FHIT: variants seen among roughly 807,000 people sequenced by gnomAD.
FHIT encodes the protein fragile histidine triad diadenosine triphosphatase.
In FHIT, 19 loss-of-function variants were observed where a neutral mutation model predicts 17.9. The ratio of observed to expected loss-of-function variants is 1.06; its 90% CI spans 0.74 to 1.56. The LOEUF is 1.56. Ranked by LOEUF, FHIT falls within the 40% of genes most tolerant of loss-of-function variation. The pLI, the probability that FHIT is intolerant of heterozygous loss-of-function variation, is 0.00. For synonymous variants in FHIT, 81 were observed against 69.7 expected (o/e 1.16, Z -0.81); for missense variants, 248 against 189.2 (o/e 1.31, Z -1.82).
In FHIT at chr3:60,445,481, G is replaced by A. The variant is rs553283473; in HGVS notation, c.103+91379C>T. The stretch of plus-strand genomic sequence containing the variant: ...ACTTTTATAAAAAGAAGAAGAAGAA[G>A]AAAAAAAAAAGAAACAAAGTAATGG... On this transcript the variant is annotated intron_variant, in intron 5 of 9. Transcript: ENST00000492590. 5.0e-4 allele frequency among the ~76,000 whole-genome samples: 73 copies of A among 147,404 alleles called. No individual in the cohort carries two copies. The South Asian group carries it at 0.013, about 27-fold the overall frequency.
intron 7 of FHIT, among the ~76,000 whole-genome samples, chr3:59,976,124 T>A (rs1024562586): frequency 6.6e-6 from 1 of 152,020 alleles, no homozygotes; most frequent in African/African-American, 2.4e-5. Context: ...AGGGTTGCCA[T>A]GAAGATAAAA....
At position 60,852,652 on chromosome 3, in the gene FHIT, A is replaced by C. The variant is rs554722734; in HGVS notation, c.-110-30641T>G. Among the ~76,000 whole-genome samples, 3 of 152,198 alleles carry C rather than the reference A, an allele frequency of 2.0e-5. No individual in the cohort carries two copies. The East Asian group carries it at 5.8e-4, about 29-fold the overall frequency. On this transcript the variant is annotated intron_variant, in intron 3 of 9. Coordinates refer to ENST00000492590, the MANE Select transcript of FHIT (RefSeq NM_002012.4). Reference sequence around the variant, plus strand: ...AACTTTGTATATTATATTAAAATTTAATGTATCAAGAAAGGATATAGTGAG... The same window carrying C: ...AACTTTGTATATTATATTAAAATTTCATGTATCAAGAAAGGATATAGTGAG...
intron 7 of FHIT, among the ~76,000 whole-genome samples, chr3:59,986,540 T>TATATAC (rs1473518719): frequency 8.0e-5 from 1 of 12,442 alleles, no homozygotes; most frequent in African/African-American, 3.5e-4. Context: ...TATATATATA[T>TATATAC]ACACACACAC....
At position 60,050,449 on chromosome 3, in the gene FHIT, C is replaced by G. The variant is rs115371197; in HGVS notation, c.104-36297G>C. ...TGAAGCCCTATAGCACTTAGAGCAG[C>G]AGATGGTTGCCAACATCCTAGGCTT... On this transcript the variant is annotated intron_variant, in intron 5 of 9. Transcript: ENST00000492590. 5.2e-3 allele frequency among the ~76,000 whole-genome samples: 790 copies of G among 152,260 alleles called. 5 individuals are homozygous for G. The highest frequency in any genetic ancestry group is 0.018 in the African/African-American group (743 of 41,554).
At chr3:60,966,816 T>C (rs1452232515) in intron 3 of FHIT, among the ~76,000 whole-genome samples, 1 of 152,162 alleles carries the variant, frequency 6.6e-6, no homozygotes, top group African/African-American at 2.4e-5. Context: ...GATATTTAGG[T>C]TGGTAATTAA....
intron 4 of FHIT, among the ~76,000 whole-genome samples, chr3:60,688,327 A>G (rs1327198115): frequency 2.6e-5 from 4 of 152,200 alleles, no homozygotes; most frequent in African/African-American, 9.6e-5. Flanking sequence ...ACTTAACCAA[A>G]GGATGATAAT....
At chr3:59,785,017 G>A (rs1469423338) in intron 8 of FHIT, among the ~76,000 whole-genome samples, 2 of 152,212 alleles carry the variant, frequency 1.3e-5, no homozygotes, top group East Asian at 3.9e-4. Context: ...CAAAGTGGAA[G>A]CAGACAGGTC....
chr3:60,204,128 C>T (rs1703045898), intron 5 of FHIT, among the ~76,000 whole-genome samples: 1 of 152,134 alleles, frequency 6.6e-6, no homozygotes, highest in Non-Finnish European at 1.5e-5. Flanking sequence ...GAGATGGATA[C>T]TGCATTTACA....
chr3:59,895,044 T>C (rs541979495), intron 8 of FHIT, among the ~76,000 whole-genome samples: 9 of 152,346 alleles, frequency 5.9e-5, no homozygotes, highest in African/African-American at 1.2e-4. Flanking sequence ...CAGGGGACAT[T>C]TGACAATGTC....
At chr3:61,069,082 T>C (rs2034711732) in intron 2 of FHIT, among the ~76,000 whole-genome samples, 1 of 151,928 alleles carries the variant, frequency 6.6e-6, no homozygotes, top group Admixed American at 6.6e-5. Flanking sequence ...ATTCAACAGG[T>C]TTTTCTTTTT....
chr3:60,906,695 C>T lies in FHIT; in HGVS notation c.-110-84684G>A, dbSNP rs1575671199. 2.6e-5 allele frequency among the ~76,000 whole-genome samples: 4 copies of T among 152,232 alleles called. 1 individual carries two copies. In the South Asian group the frequency reaches 8.3e-4, roughly 32 times the overall value. On this transcript the variant is annotated intron_variant, in intron 3 of 9. Transcript: ENST00000492590. ...CTGGCTAAATGACAGACAATTTGAG[C>T]CTCACAAAAGAATAAGGAGCTAAGT...
chr3:60,909,238 G>C (rs1706592610), intron 3 of FHIT, among the ~76,000 whole-genome samples: 1 of 151,966 alleles, frequency 6.6e-6, no homozygotes, highest in South Asian at 2.1e-4. Context: ...GCATGGTGGT[G>C]TGCACCTGTA....
chr3:60,660,940 T>G (rs1027619685), intron 4 of FHIT, among the ~76,000 whole-genome samples: 26 of 152,022 alleles, frequency 1.7e-4, no homozygotes, highest in African/African-American at 6.3e-4. Context: ...TTCCTTGTAG[T>G]TGGGCTTTCA....
intron 4 of FHIT, among the ~76,000 whole-genome samples, chr3:60,621,772 C>G (rs1008685769): frequency 2.6e-5 from 4 of 151,388 alleles, no homozygotes; most frequent in Admixed American, 2.6e-4. Context: ...AACTGGGAGG[C>G]TGAGGAGGGA....
At chr3:60,360,809 G>C (rs540322179) in intron 5 of FHIT, among the ~76,000 whole-genome samples, 1 of 152,172 alleles carries the variant, frequency 6.6e-6, no homozygotes, top group East Asian at 1.9e-4. Flanking sequence ...ACCCAGGCTT[G>C]GAATGTCTGA....
At chr3:60,824,038 G>A (rs1405218655) in intron 3 of FHIT, among the ~76,000 whole-genome samples, 3 of 152,172 alleles carry the variant, frequency 2.0e-5, no homozygotes, top group African/African-American at 4.8e-5. Context: ...TAGACCTTAT[G>A]GGCCACTCTA....
rs545828065 is a variant in FHIT at position 59,813,936 on chromosome 3, T to C, written c.349-61615A>G. On this transcript the variant is annotated intron_variant, in intron 8 of 9. Transcript: ENST00000492590. The stretch of plus-strand genomic sequence containing the variant: ...GTGTGGGATGCTAGGAGATGCCAAA[T>C]CAGTGGGCTGGTGTGCTCACAAATG... 3.7e-3 allele frequency among the ~76,000 whole-genome samples: 568 copies of C among 152,186 alleles called. 4 individuals are homozygous for C. Among genetic ancestry groups the C allele is most frequent in the African/African-American group, 0.013 (542 of 41,506 alleles).
chr3:60,634,024 G>C (rs150399339), intron 4 of FHIT, among the ~76,000 whole-genome samples: 1 of 152,202 alleles, frequency 6.6e-6, no homozygotes, highest in Non-Finnish European at 1.5e-5. Context: ...CTGCTGTACT[G>C]TAAGTAGAAA....
At chr3:60,695,481 G>T (rs1211050605) in intron 4 of FHIT, among the ~76,000 whole-genome samples, 3 of 152,190 alleles carry the variant, frequency 2.0e-5, no homozygotes, top group Non-Finnish European at 2.9e-5. Context: ...GGGCTCCAAA[G>T]TCAAACTGTG....
Sources: gnomAD v4.1 joint callset for allele counts (sites outside exome capture counted in the v4.1 genomes callset) on GRCh38, gnomAD v4.1.1 for gene constraint, MANE v1.5 for transcripts, NCBI Gene and HGNC (gene_info 2026-07-23, HGNC 2026-07-21) for gene names.